The following GABRA2 variants were observed in gnomAD, a reference collection of about 807,000 sequenced individuals.
GABRA2 encodes gamma-aminobutyric acid receptor subunit alpha-2.
Under a neutral mutation model 48.7 loss-of-function variants are expected in GABRA2, and 16 were observed. The ratio of observed to expected loss-of-function variants is 0.33; its 90% CI spans 0.22 to 0.50. The LOEUF is 0.50. Among genes scored for constraint, GABRA2 ranks in the 20% least tolerant of loss-of-function variants. The probability of loss-of-function intolerance (pLI) is 0.98; values close to 1 mark genes in which losing one functional copy is unlikely to be tolerated. For missense variants in GABRA2, 275 were observed against 535.6 expected (o/e 0.51, Z 4.80); for synonymous variants, 185 against 184.5 (o/e 1.00, Z -0.02).
rs1158668605 is a variant in GABRA2, at chr4:46,244,850, G to T, written c.*5458C>A. On this transcript the variant is annotated 3_prime_UTR_variant, in exon 10 of 10. Coordinates refer to ENST00000381620, the MANE Select transcript of GABRA2 (RefSeq NM_000807.4). ...AGTAAATAGCTAGCATCACAAAAAC[G>T]GGTATTGCTTACTGTACAGTACAGT... Among the ~76,000 whole-genome samples the T allele has an allele frequency of 6.6e-6, 1 of 151,224 alleles. No individual in the cohort carries two copies. The highest frequency in any genetic ancestry group is 2.0e-4 in the East Asian group (1 of 5,116).
In GABRA2 at chr4:46,312,522, A is replaced by G; in HGVS notation, c.450T>C (p.Asp150=). 6.2e-7 allele frequency: 1 copy of G among 1,608,262 alleles called. No homozygotes were observed. The highest frequency in any genetic ancestry group is 1.7e-5 in the Admixed American group (1 of 58,940). The change falls in exon 5 of 10, where the codon GAT becomes GAC. Residue 150 remains aspartate, a synonymous_variant. Transcript: ENST00000381620. The stretch of plus-strand genomic sequence containing the variant: ...TCATGGTATACAGCAGAGTCCCATC[A>G]TCCTGAATTCGAAGCAACTTATTTG... ...TMPNKLLRIQ[D]DGTLLYTMRL...
rs56201706 is a variant in GABRA2, at chr4:46,297,476, CAT to C, written c.856+5982_856+5983del. On this transcript the variant is annotated intron_variant, in intron 8 of 9. Transcript: ENST00000381620. ...GAGTTAATACTACTTAATAAAATCC[CAT>C]ATATATATATATATATATATATATA... Among the ~76,000 whole-genome samples the C allele has an allele frequency of 2.2e-3, 189 of 87,844 alleles. 2 individuals are homozygous for C. Among genetic ancestry groups the C allele is most frequent in the Middle Eastern group, 0.013 (2 of 160 alleles). 57.6% of individuals were successfully genotyped at this position (87,844 alleles called of 152,430 possible).
At chr4:46,357,485 G>A (rs1736183333) in intron 3 of GABRA2, among the ~76,000 whole-genome samples, 1 of 149,724 alleles carries the variant, frequency 6.7e-6, no homozygotes, top group African/African-American at 2.5e-5. Flanking sequence ...CTTACTATGT[G>A]TATAACCTTG....
intron 6 of GABRA2, among the ~76,000 whole-genome samples, chr4:46,307,590 C>A (rs184129765): frequency 5.6e-4 from 85 of 152,112 alleles, no homozygotes; most frequent in African/African-American, 2.0e-3. Context: ...CTGATTCATG[C>A]CTGTACTTCC....
chr4:46,270,047 G>A (rs1377257288), intron 8 of GABRA2, among the ~76,000 whole-genome samples: 1 of 151,820 alleles, frequency 6.6e-6, no homozygotes, highest in Non-Finnish European at 1.5e-5. Flanking sequence ...CCAAATTATG[G>A]CAAACCGTAA....
chr4:46,318,809 AG>A (rs574906763), intron 4 of GABRA2, among the ~76,000 whole-genome samples: 314 of 151,846 alleles, frequency 2.1e-3, no homozygotes, highest in African/African-American at 7.1e-3. Context: ...AGGATATATC[AG>A]CTTGCATGTA....
intron 4 of GABRA2, among the ~76,000 whole-genome samples, chr4:46,318,294 A>G (rs1398152904): frequency 1.3e-5 from 2 of 151,368 alleles, no homozygotes; most frequent in African/African-American, 2.4e-5. Flanking sequence ...ACTTTGGTCC[A>G]TATTTTATAT....
chr4:46,287,695 G>C (rs2109509031), intron 8 of GABRA2, among the ~76,000 whole-genome samples: 1 of 150,480 alleles, frequency 6.6e-6, no homozygotes, highest in South Asian at 2.1e-4. Flanking sequence ...CGAGTTAGTG[G>C]GTGCAGCGCA....
chr4:46,300,062 A>G (rs1383980065), intron 8 of GABRA2, among the ~76,000 whole-genome samples: 1 of 152,020 alleles, frequency 6.6e-6, no homozygotes, highest in African/African-American at 2.4e-5. Flanking sequence ...TAATAATAGT[A>G]ATAATGATAA....
chr4:46,276,562 A>T (rs1720543388), intron 8 of GABRA2, among the ~76,000 whole-genome samples: 1 of 151,758 alleles, frequency 6.6e-6, no homozygotes, highest in Non-Finnish European at 1.5e-5. Flanking sequence ...AAACAGAAAC[A>T]TAAAGAAGTC....
intron 3 of GABRA2, among the ~76,000 whole-genome samples, chr4:46,351,218 A>G (rs1735072458): frequency 6.6e-6 from 1 of 151,976 alleles, no homozygotes; most frequent in Non-Finnish European, 1.5e-5. Context: ...TTTACTTAGA[A>G]AGAAAATAGA....
rs557673494 is a variant in GABRA2 at position 46,247,333 on chromosome 4, G to T, written c.*2975C>A. Among the ~76,000 whole-genome samples, 2 of 151,172 alleles carry T rather than the reference G, an allele frequency of 1.3e-5. No individual in the cohort carries two copies. The highest frequency in any genetic ancestry group is 1.3e-4 in the Admixed American group (2 of 15,116). ...ACTAGTGGCATCATAGCTCATTAAA[G>T]AACTCCCAGTACTAAATTAATTTAC... is the stretch of plus-strand genomic sequence containing the variant. On this transcript the variant is annotated 3_prime_UTR_variant, in exon 10 of 10. Coordinates refer to ENST00000381620, the MANE Select transcript of GABRA2 (RefSeq NM_000807.4).
At chr4:46,338,329 T>C (rs1732618471) in intron 3 of GABRA2, among the ~76,000 whole-genome samples, 1 of 151,960 alleles carries the variant, frequency 6.6e-6, no homozygotes, top group Admixed American at 6.6e-5. Flanking sequence ...CCAGGAAAAC[T>C]AATTATAATT....
Position 46,248,076 on chromosome 4 carries a change from C to T in GABRA2, c.*2232G>A, listed in dbSNP as rs1714046093. 6.6e-6 allele frequency among the ~76,000 whole-genome samples: 1 copy of T among 151,242 alleles called. No individual in the cohort carries two copies. The highest frequency in any genetic ancestry group is 1.5e-5 in the Non-Finnish European group (1 of 67,504). On this transcript the variant is annotated 3_prime_UTR_variant, in exon 10 of 10. Transcript: ENST00000381620. ...CCATCAATATAGTAGCAGCTCTTTG[C>T]CCAAAGTATAGATAAGCCTTTTCTG...
intron 1 of GABRA2, chr4:46,388,937 T>C: frequency 8.0e-7 from 1 of 1,249,702 alleles, no homozygotes; most frequent in Non-Finnish European, 1.0e-6. Flanking sequence ...TTTCTTTTTT[T>C]CTTTCTTTCT....
intron 8 of GABRA2, among the ~76,000 whole-genome samples, chr4:46,285,560 A>G (rs935999859): frequency 2.8e-4 from 42 of 152,134 alleles, no homozygotes; most frequent in African/African-American, 9.1e-4. Context: ...ATTTACCTCA[A>G]TGCAGTATTT....
At chr4:46,253,798 T>C (rs891110474) in intron 9 of GABRA2, among the ~76,000 whole-genome samples, 6 of 151,592 alleles carry the variant, frequency 4.0e-5, no homozygotes, top group South Asian at 4.1e-4. Flanking sequence ...GTGCTGCATC[T>C]TCTCAATTCC....
intron 3 of GABRA2, among the ~76,000 whole-genome samples, chr4:46,362,682 G>T (rs1434709249): frequency 6.6e-6 from 1 of 152,170 alleles, no homozygotes; most frequent in Non-Finnish European, 1.5e-5. Flanking sequence ...CTAAGTAAAT[G>T]ATTTGGGATT....
chr4:46,313,400 T>G (rs1728012217), intron 4 of GABRA2, among the ~76,000 whole-genome samples: 1 of 152,018 alleles, frequency 6.6e-6, no homozygotes. Flanking sequence ...ATTTATGACA[T>G]TAGTTGTAAT....
Sources: allele counts gnomAD v4.1 joint callset (sites outside exome capture counted in the v4.1 genomes callset), GRCh38; gene constraint gnomAD v4.1.1; transcripts MANE v1.5; gene names NCBI Gene and HGNC (gene_info 2026-07-23, HGNC 2026-07-21).